CAMKMT: variants seen among roughly 807,000 people sequenced by gnomAD.
CAMKMT encodes CaM KMT.
In CAMKMT, 53 loss-of-function variants were observed where a neutral mutation model predicts 48.0. The observed-to-expected ratio is 1.10, with a 90% CI of 0.89 to 1.39. CAMKMT has a LOEUF of 1.39. Among genes scored for constraint, CAMKMT ranks in the 40% most tolerant of loss-of-function variants. CAMKMT has a pLI of 0.00. For synonymous variants in CAMKMT, 165 were observed against 152.3 expected, an observed-to-expected ratio of 1.08 and a Z score of -0.61; for missense variants, 428 against 402.7, an observed-to-expected ratio of 1.06 and a Z score of -0.54.
At chr2:44,370,970 C>T (rs1161403017) in intron 1 of CAMKMT, among the ~76,000 whole-genome samples, 1 of 152,056 alleles carries the variant, frequency 6.6e-6, no homozygotes, top group Non-Finnish European at 1.5e-5. Flanking sequence ...ACCACCACAT[C>T]CTACTAATTA....
chr2:44,621,752 A>G (rs1482794826), intron 3 of CAMKMT, among the ~76,000 whole-genome samples: 2 of 152,186 alleles, frequency 1.3e-5, no homozygotes, highest in African/African-American at 4.8e-5. Flanking sequence ...GTGGAAAGCT[A>G]TTGGGGGTTT....
intron 3 of CAMKMT, among the ~76,000 whole-genome samples, chr2:44,673,644 G>A (rs1444615468): frequency 6.6e-6 from 1 of 152,016 alleles, no homozygotes; most frequent in Non-Finnish European, 1.5e-5. Flanking sequence ...CTAAACCAAG[G>A]CACTTGCTGC....
intron 7 of CAMKMT, among the ~76,000 whole-genome samples, chr2:44,739,861 C>T (rs1016507848): frequency 1.3e-5 from 2 of 152,206 alleles, no homozygotes; most frequent in East Asian, 3.9e-4. Flanking sequence ...GGGGAAATAA[C>T]TCCATGTTTG....
At chr2:44,372,532 G>A (rs1172360491) in intron 1 of CAMKMT, among the ~76,000 whole-genome samples, 184 bp from the exon 2 acceptor site, 1 of 151,152 alleles carries the variant, frequency 6.6e-6, no homozygotes, top group South Asian at 2.1e-4. Context: ...ATGTCTTCAA[G>A]TAATGCTTTA....
chr2:44,700,711 T>G (rs1407933339), intron 3 of CAMKMT, among the ~76,000 whole-genome samples: 1 of 152,096 alleles, frequency 6.6e-6, no homozygotes, highest in African/African-American at 2.4e-5. Context: ...TGATCACAGA[T>G]CACCATATCA....
intron 3 of CAMKMT, among the ~76,000 whole-genome samples, chr2:44,608,760 C>T (rs1485144486): frequency 6.6e-6 from 1 of 152,118 alleles, no homozygotes; most frequent in African/African-American, 2.4e-5. Context: ...TCCTCCTCCT[C>T]CCTCTTTTAT....
intron 3 of CAMKMT, among the ~76,000 whole-genome samples, chr2:44,516,213 A>G (rs1670825713): frequency 1.3e-5 from 2 of 152,224 alleles, no homozygotes; most frequent in Admixed American, 6.5e-5. Flanking sequence ...CGTTAGACTC[A>G]TGCAGTAAAT....
intron 3 of CAMKMT, among the ~76,000 whole-genome samples, chr2:44,463,900 C>G (rs1009516593): frequency 2.6e-5 from 4 of 152,056 alleles, no homozygotes; most frequent in African/African-American, 7.2e-5. Flanking sequence ...GGCTGTTTTT[C>G]AAATGCAAAA....
At chr2:44,372,564 T>A in intron 1 of CAMKMT, 152 bp from the exon 2 acceptor site, 1 of 579,252 alleles carries the variant, frequency 1.7e-6, no homozygotes, top group South Asian at 2.7e-5. Context: ...TCATCTTTTA[T>A]AGTTATCTTC....
At chr2:44,720,071 T>C (rs938176650) in intron 7 of CAMKMT, among the ~76,000 whole-genome samples, 2 of 152,146 alleles carry the variant, frequency 1.3e-5, no homozygotes, top group Non-Finnish European at 2.9e-5. Context: ...GCTTAACAGG[T>C]TTATAGATGG....
At chr2:44,573,041 G>C (rs1376931598) in intron 3 of CAMKMT, among the ~76,000 whole-genome samples, 1 of 151,626 alleles carries the variant, frequency 6.6e-6, no homozygotes, top group Admixed American at 6.6e-5. Flanking sequence ...TGCTATTACT[G>C]TTAGTAATAG....
At chr2:44,727,175 T>C (rs1398122946) in intron 7 of CAMKMT, among the ~76,000 whole-genome samples, 1 of 152,226 alleles carries the variant, frequency 6.6e-6, no homozygotes, top group Non-Finnish European at 1.5e-5. Context: ...GGTAGTTTAA[T>C]AGGAATGGCC....
intron 3 of CAMKMT, among the ~76,000 whole-genome samples, chr2:44,671,620 C>G (rs1303955438): frequency 6.6e-6 from 1 of 152,194 alleles, no homozygotes; most frequent in East Asian, 1.9e-4. Context: ...GCAAAAACCT[C>G]CTCTGGTTGA....
At chr2:44,412,838 G>A (rs1262108220) in intron 3 of CAMKMT, among the ~76,000 whole-genome samples, 2 of 152,116 alleles carry the variant, frequency 1.3e-5, no homozygotes, top group East Asian at 3.9e-4. Context: ...CACTTTGGGA[G>A]GCGGAGGTGG....
intron 3 of CAMKMT, among the ~76,000 whole-genome samples, chr2:44,436,423 A>G (rs1284096521): frequency 6.6e-6 from 1 of 152,166 alleles, no homozygotes. Context: ...GATAGGGCAG[A>G]TAAAGAAAGG....
At chr2:44,560,024 T>A (rs1435020941) in intron 3 of CAMKMT, among the ~76,000 whole-genome samples, 2 of 152,240 alleles carry the variant, frequency 1.3e-5, no homozygotes, top group Admixed American at 1.3e-4. Flanking sequence ...TTATTCATCA[T>A]CTGTATTATT....
chr2:44,559,319 T>C (rs538315373), intron 3 of CAMKMT, among the ~76,000 whole-genome samples: 2 of 152,314 alleles, frequency 1.3e-5, no homozygotes, highest in South Asian at 2.1e-4. Context: ...TCTTCACTAA[T>C]AGGAAGTGCA....
At chr2:44,578,975 C>T (rs910116816) in intron 3 of CAMKMT, among the ~76,000 whole-genome samples, 1 of 152,168 alleles carries the variant, frequency 6.6e-6, no homozygotes, top group African/African-American at 2.4e-5. Flanking sequence ...AAAGTTTACG[C>T]AGTGGTGGAA....
intron 3 of CAMKMT, among the ~76,000 whole-genome samples, chr2:44,444,506 A>G (rs1666864386): frequency 1.3e-5 from 2 of 152,212 alleles, no homozygotes. Flanking sequence ...CACTTCCCAT[A>G]CTTGTTCTTC....
Sources: gnomAD v4.1 joint callset for allele counts (sites outside exome capture counted in the v4.1 genomes callset) on GRCh38, gnomAD v4.1.1 for gene constraint, MANE v1.5 for transcripts, NCBI Gene and HGNC (gene_info 2026-07-23, HGNC 2026-07-21) for gene names.